SFMBT2: variants seen among roughly 807,000 people sequenced by gnomAD.
The protein encoded by SFMBT2 is Scm like with four mbt domains 2, also known as scm-like with four MBT domains protein 2.
In SFMBT2, 38 loss-of-function variants were observed where a neutral mutation model predicts 110.1. The observed-to-expected ratio is 0.35, with a 90% confidence interval of 0.27 to 0.45. SFMBT2 has a LOEUF of 0.45. SFMBT2 is among the 20% of genes least tolerant of loss of function. The pLI is 1.00. For missense variants in SFMBT2, 1,011 were observed against 1,094.9 expected (o/e 0.92, Z 1.08); for synonymous variants, 425 against 425.4 (o/e 1.00, Z 0.01).
At chr10:7,176,906 C>A (rs1021236918) in intron 16 of SFMBT2, among the ~76,000 whole-genome samples, 1 of 151,982 alleles carries the variant, frequency 6.6e-6, no homozygotes, top group African/African-American at 2.4e-5. Context: ...GGATGAGTGG[C>A]AGTTAAAGGA....
intron 7 of SFMBT2, among the ~76,000 whole-genome samples, chr10:7,249,783 C>T (rs1235649531): frequency 6.6e-6 from 1 of 152,152 alleles, no homozygotes. Flanking sequence ...ACCAGTGCAC[C>T]GAGTTGCCAA....
At chr10:7,311,120 A>G (rs1314269752) in intron 4 of SFMBT2, among the ~76,000 whole-genome samples, 1 of 135,320 alleles carries the variant, frequency 7.4e-6, no homozygotes, top group Non-Finnish European at 1.6e-5. Context: ...GGTTACAATT[A>G]CAAAGTTTCC....
chr10:7,243,710 A>G lies in SFMBT2; in HGVS notation c.973-5T>C, dbSNP rs1840514433. The G allele has an allele frequency of 3.4e-6, 3 of 870,358 alleles. No homozygotes were observed. Among genetic ancestry groups the G allele is most frequent in the Non-Finnish European group, 6.0e-6 (3 of 501,198 alleles). The allele number at this position is 870,358 out of a possible 1,614,324, so 53.9% of individuals were successfully genotyped here. The stretch of plus-strand genomic sequence containing the variant: ...AAAAAAGTGATTGTTAAAAACCTAA[A>G]AGAAAAAAAATGGGGGAGCCAAAGG... On this transcript the variant is annotated splice_region_variant and splice_polypyrimidine_tract_variant and intron_variant, in intron 8 of 20. Coordinates refer to ENST00000397167, the MANE Select transcript of SFMBT2 (RefSeq NM_001387889.1).
chr10:7,263,834 C>G (rs753556693), intron 7 of SFMBT2, among the ~76,000 whole-genome samples: 1 of 151,506 alleles, frequency 6.6e-6, no homozygotes, highest in Non-Finnish European at 1.5e-5. Context: ...GTCTTCCTTA[C>G]CCCTTTGGCT....
intron 8 of SFMBT2, among the ~76,000 whole-genome samples, chr10:7,245,910 A>T (rs371318055): frequency 2.6e-5 from 4 of 152,338 alleles, no homozygotes; most frequent in African/African-American, 9.6e-5. Flanking sequence ...TTTCATTGTG[A>T]TGAGTAATGA....
At chr10:7,400,290 A>G (rs910388387) in intron 1 of SFMBT2, among the ~76,000 whole-genome samples, 1 of 152,228 alleles carries the variant, frequency 6.6e-6, no homozygotes, top group African/African-American at 2.4e-5. Context: ...CGCACAGCAC[A>G]GTTCAGTCAG....
intron 4 of SFMBT2, among the ~76,000 whole-genome samples, chr10:7,307,904 T>A (rs975063544): frequency 3.3e-5 from 5 of 152,220 alleles, no homozygotes; most frequent in African/African-American, 1.2e-4. Context: ...AGCAAGAATT[T>A]CTGCTATAAT....
At position 7,200,491 on chromosome 10, in the gene SFMBT2, A is replaced by T. The variant is rs1412671366; in HGVS notation, c.1488-7T>A. ...AGGCACTGTGGGCGGCAATCTGTCA[A>T]CAGAGAAAATAAAACTATCAGGGAC... On this transcript the variant is annotated splice_region_variant and splice_polypyrimidine_tract_variant and intron_variant, in intron 13 of 20. Coordinates refer to ENST00000397167, the MANE Select transcript of SFMBT2 (RefSeq NM_001387889.1). The T allele has an allele frequency of 4.4e-6, 7 of 1,596,038 alleles. No individual in the cohort carries two copies. In the African/African-American group the frequency reaches 9.4e-5, roughly 22 times the overall value.
intron 10 of SFMBT2, among the ~76,000 whole-genome samples, chr10:7,224,702 A>G (rs978863912): frequency 2.6e-5 from 4 of 152,184 alleles, no homozygotes; most frequent in African/African-American, 9.7e-5. Flanking sequence ...GTATGAGCTT[A>G]CTCAGCCAAT....
At chr10:7,297,133 A>C (rs920498698) in intron 4 of SFMBT2, among the ~76,000 whole-genome samples, 6 of 152,252 alleles carry the variant, frequency 3.9e-5, no homozygotes, top group African/African-American at 1.4e-4. Context: ...TTCAGCAGGC[A>C]AAAAGAATAA....
At chr10:7,277,270 A>C (rs1841811609) in intron 6 of SFMBT2, 1 of 155,486 alleles carries the variant, frequency 6.4e-6, no homozygotes, top group Non-Finnish European at 1.4e-5. Context: ...TAAGTAATTT[A>C]ATGGTATTAA....
At chr10:7,190,260 A>C (rs955056270) in intron 15 of SFMBT2, among the ~76,000 whole-genome samples, 4 of 152,256 alleles carry the variant, frequency 2.6e-5, no homozygotes, top group African/African-American at 9.6e-5. Flanking sequence ...TACAATTTAC[A>C]GAAACTCAGT....
At position 7,334,489 on chromosome 10, in the gene SFMBT2, C is replaced by T. The variant is rs752270654; in HGVS notation, c.436+33160G>A. ...ACAGGAAACGAGAAGTGTCATTAAA[C>T]GGGGACTAGAACACTGTGTCCCTGA... On this transcript the variant is annotated intron_variant, in intron 4 of 20. Transcript: ENST00000397167. Among the ~76,000 whole-genome samples the T allele has an allele frequency of 4.6e-5, 7 of 152,304 alleles. No homozygotes were observed. The East Asian group carries it at 9.6e-4, about 21-fold the overall frequency.
At chr10:7,270,451 C>T (rs977696528) in intron 7 of SFMBT2, among the ~76,000 whole-genome samples, 16 of 152,230 alleles carry the variant, frequency 1.1e-4, no homozygotes, top group African/African-American at 3.4e-4. Context: ...CCAAATTAAA[C>T]GTGTAGATTC....
chr10:7,175,962 C>A (rs1161554641), intron 17 of SFMBT2, 28 bp downstream of exon 17: 3 of 1,594,534 alleles, frequency 1.9e-6, no homozygotes, highest in East Asian at 2.2e-5. Flanking sequence ...TGGGCTCATG[C>A]ATTTCTTTTT....
chr10:7,396,900 G>A (rs12359975), intron 1 of SFMBT2, among the ~76,000 whole-genome samples: 3,356 of 140,034 alleles, frequency 0.024, 81 homozygotes, highest in Non-Finnish European at 0.036. Flanking sequence ...CCTGTCGTGG[G>A]GTGGGGGGAT....
intron 4 of SFMBT2, among the ~76,000 whole-genome samples, chr10:7,333,392 CTTTT>C (rs58271261): frequency 7.2e-6 from 1 of 138,460 alleles, no homozygotes. Context: ...TGAGGCTTAC[CTTTT>C]TTTTTTTTTT....
chr10:7,177,940 C>T (rs531523423), intron 16 of SFMBT2, among the ~76,000 whole-genome samples: 115 of 152,130 alleles, frequency 7.6e-4, no homozygotes, highest in Non-Finnish European at 1.4e-3. Flanking sequence ...CATGTGAGGG[C>T]AGAGGGAGAA....
At chr10:7,233,699 A>G (rs1387398540) in intron 9 of SFMBT2, among the ~76,000 whole-genome samples, 1 of 152,178 alleles carries the variant, frequency 6.6e-6, no homozygotes, top group Non-Finnish European at 1.5e-5. Context: ...ACTTCGGGGC[A>G]TTTTTGCAAT....
Sources: allele counts gnomAD v4.1 joint callset (sites outside exome capture counted in the v4.1 genomes callset), GRCh38; gene constraint gnomAD v4.1.1; transcripts MANE v1.5; gene names NCBI Gene and HGNC (gene_info 2026-07-23, HGNC 2026-07-21).